Variants in SOX6 observed in about 807,000 individuals in gnomAD.
The protein encoded by SOX6 is SRY-box transcription factor 6, also known as transcription factor SOX-6.
SOX6 carries 11 observed loss-of-function variants against 97.8 expected under a neutral mutation model. That is an observed-to-expected ratio of 0.11 (90% CI 0.07 to 0.19). The LOEUF (loss-of-function observed/expected upper bound fraction) is 0.19, where lower values mean the gene tolerates loss of function less well. SOX6 is among the 10% of genes least tolerant of loss of function. SOX6 has a pLI of 1.00. For synonymous variants in SOX6, 360 were observed against 371.4 expected, an observed-to-expected ratio of 0.97 and a Z score of 0.35; for missense variants, 810 against 1,039.5, an observed-to-expected ratio of 0.78 and a Z score of 3.04.
chr11:16,013,526 C>G (rs1854792847), intron 13 of SOX6, among the ~76,000 whole-genome samples: 1 of 151,984 alleles, frequency 6.6e-6, no homozygotes, highest in African/African-American at 2.4e-5. Flanking sequence ...GATACACATT[C>G]TTCAAGGAAG....
intron 3 of SOX6, among the ~76,000 whole-genome samples, chr11:16,290,043 T>C (rs1287840653): frequency 5.9e-5 from 9 of 152,072 alleles, no homozygotes; most frequent in African/African-American, 1.9e-4. Context: ...ATGATTTCCA[T>C]GTTTCCATTT....
chr11:16,647,768 T>C (rs1288115092), intron 3 of SOX6, among the ~76,000 whole-genome samples: 1 of 152,178 alleles, frequency 6.6e-6, no homozygotes, highest in Non-Finnish European at 1.5e-5. Context: ...GAGAAGGACT[T>C]AACCTTATCT....
chr11:16,250,317 A>G (rs1853471397), intron 3 of SOX6, among the ~76,000 whole-genome samples: 1 of 152,176 alleles, frequency 6.6e-6, no homozygotes, highest in African/African-American at 2.4e-5. Flanking sequence ...TATCAAGGCT[A>G]AAAGAGCTTC....
chr11:16,150,132 A>G (rs16932620), intron 6 of SOX6, among the ~76,000 whole-genome samples: 14,562 of 152,196 alleles, frequency 0.096, 1,418 homozygotes, highest in East Asian at 0.37. Context: ...TAGTGTCAAA[A>G]TCAGTGTGTG....
chr11:16,111,843 T>G lies in SOX6; in HGVS notation c.858A>C (p.Gln286His). ...QRTLAAAAAA[Q>H]QGFLFPPGIT... ...TTCCAGGGGGGAAGAGGAATCCCTG[T>G]TGGGCAGCAGCAGCTGCTGCCAGAG... The change falls in exon 7 of 16, where the codon CAA becomes CAC. Residue 286 changes from glutamine (Q) to histidine (H), a missense_variant. By Grantham distance (24) the Gln-to-His change is conservative. Around this residue, in one of 9 missense-constraint regions of SOX6, gnomAD observed 244 missense variants for 261.0 expected, o/e 0.93. Coordinates refer to ENST00000683767, the MANE Select transcript of SOX6 (RefSeq NM_001367873.1). 1.9e-6 allele frequency: 3 copies of G among 1,613,030 alleles called. No individual in the cohort carries two copies. Among genetic ancestry groups the G allele is most frequent in the Non-Finnish European group, 2.5e-6 (3 of 1,179,960 alleles).
intron 6 of SOX6, among the ~76,000 whole-genome samples, chr11:16,132,568 GTAAAGGTGGGTACT>G (rs923561430): frequency 1.7e-4 from 26 of 151,882 alleles, no homozygotes; most frequent in African/African-American, 6.0e-4. Context: ...TCTTTTGTGG[GTAAAGGTGGGTACT>G]TATTAACATC....
intron 4 of SOX6, among the ~76,000 whole-genome samples, chr11:16,538,056 A>G (rs1352968684): frequency 1.3e-5 from 2 of 152,132 alleles, no homozygotes; most frequent in Non-Finnish European, 2.9e-5. Context: ...GAAGGAAAAA[A>G]TGTTAAGGGC....
At chr11:16,083,219 C>T (rs1177683309) in intron 9 of SOX6, among the ~76,000 whole-genome samples, 1 of 152,086 alleles carries the variant, frequency 6.6e-6, no homozygotes, top group Non-Finnish European at 1.5e-5. Flanking sequence ...GATTGTGGGC[C>T]CTTCAGGGGC....
intron 13 of SOX6, among the ~76,000 whole-genome samples, chr11:16,003,191 GT>G (rs1854452157): frequency 6.6e-6 from 1 of 151,910 alleles, no homozygotes; most frequent in Admixed American, 6.6e-5. Context: ...TATGGCTCCA[GT>G]ACCAGCTCTG....
chr11:16,014,546 TA>T (rs1281615384), intron 13 of SOX6, among the ~76,000 whole-genome samples: 1 of 152,084 alleles, frequency 6.6e-6, no homozygotes, highest in Non-Finnish European at 1.5e-5. Context: ...TATATACAAT[TA>T]TTACTTGTCA....
At chr11:16,233,218 T>C (rs1399894844) in intron 4 of SOX6, among the ~76,000 whole-genome samples, 1 of 147,902 alleles carries the variant, frequency 6.8e-6, no homozygotes, top group African/African-American at 2.4e-5. Context: ...CTAATGTAAC[T>C]AAGTACCCAA....
chr11:16,176,496 G>C (rs199650896), intron 6 of SOX6, among the ~76,000 whole-genome samples: 1 of 151,792 alleles, frequency 6.6e-6, no homozygotes, highest in Non-Finnish European at 1.5e-5. Flanking sequence ...AAAGCCCTCA[G>C]GAAGTAGTAT....
intron 3 of SOX6, among the ~76,000 whole-genome samples, chr11:16,275,285 CAAAAA>C (rs869208945): frequency 2.4e-5 from 3 of 123,062 alleles, no homozygotes; most frequent in Non-Finnish European, 3.3e-5. Flanking sequence ...ACCAAAAATA[CAAAAA>C]AAAAAAAAAA....
intron 3 of SOX6, among the ~76,000 whole-genome samples, chr11:16,636,904 C>CCA (rs1848798205): frequency 6.6e-6 from 1 of 152,180 alleles, no homozygotes; most frequent in African/African-American, 2.4e-5. Context: ...CTACCCAGCT[C>CCA]CACAGAACTT....
intron 4 of SOX6, chr11:16,484,212 C>G (rs1330121048): frequency 2.1e-5 from 17 of 821,866 alleles, no homozygotes; most frequent in Middle Eastern, 2.9e-4. Context: ...ATAGCTTTCA[C>G]CAGCCCTTCA....
intron 2 of SOX6, among the ~76,000 whole-genome samples, chr11:16,333,260 G>A (rs893053522): frequency 1.9e-4 from 29 of 152,162 alleles, no homozygotes; most frequent in African/African-American, 6.3e-4. Flanking sequence ...AGGACTTTGA[G>A]ATTAATATTT....
intron 3 of SOX6, among the ~76,000 whole-genome samples, chr11:16,280,002 G>A (rs893016725): frequency 6.6e-6 from 1 of 152,010 alleles, no homozygotes. Context: ...CAGTCCACAC[G>A]TCATTTGAAA....
intron 4 of SOX6, among the ~76,000 whole-genome samples, chr11:16,505,622 T>C (rs1254165223): frequency 6.6e-6 from 1 of 152,038 alleles, no homozygotes; most frequent in African/African-American, 2.4e-5. Flanking sequence ...GCCAAGACAA[T>C]GGGAAAAATG....
chr11:16,587,355 T>G (rs12794400), intron 4 of SOX6, among the ~76,000 whole-genome samples: 40,462 of 152,118 alleles, frequency 0.27, 6,164 homozygotes, highest in East Asian at 0.53. Context: ...CTCCCAGGGC[T>G]GTTGTGTAGA....
Sources: allele counts gnomAD v4.1 joint callset (sites outside exome capture counted in the v4.1 genomes callset), GRCh38; gene constraint gnomAD v4.1.1; regional missense constraint gnomAD v4.1.1; transcripts MANE v1.5; gene names NCBI Gene and HGNC (gene_info 2026-07-23, HGNC 2026-07-21).